The following OSBPL10 variants were observed in gnomAD, a reference collection of about 807,000 sequenced individuals.
OSBPL10 encodes the protein oxysterol binding protein like 10, also known as oxysterol-binding protein-related protein 10.
OSBPL10 carries 49 observed loss-of-function variants against 81.7 expected under a neutral mutation model. That is an observed-to-expected ratio of 0.60 (90% CI 0.48 to 0.76). The LOEUF (loss-of-function observed/expected upper bound fraction) is 0.76. Ranked by LOEUF, OSBPL10 falls within the 30% of genes least tolerant of loss-of-function variation. The probability of loss-of-function intolerance (pLI) is 0.00; values close to 1 mark genes in which losing one functional copy is unlikely to be tolerated. For missense variants in OSBPL10, 923 were observed against 987.8 expected, an observed-to-expected ratio of 0.93 and a Z score of 0.88; for synonymous variants, 419 against 383.6, an observed-to-expected ratio of 1.09 and a Z score of -1.08.
At chr3:31,851,269 C>T (rs1448211151) in intron 3 of OSBPL10, among the ~76,000 whole-genome samples, 2 of 152,198 alleles carry the variant, frequency 1.3e-5, no homozygotes, top group Admixed American at 1.3e-4. Flanking sequence ...CCCTGGAAGT[C>T]TGTGTCGAGA....
intron 9 of OSBPL10, among the ~76,000 whole-genome samples, chr3:31,669,107 T>G (rs1391571629): frequency 3.9e-5 from 6 of 152,084 alleles, no homozygotes; most frequent in Non-Finnish European, 7.4e-5. Context: ...CAGATATCAC[T>G]GGGATGAAAA....
At chr3:31,968,010 C>T (rs189114410) in intron 1 of OSBPL10, among the ~76,000 whole-genome samples, 29 of 152,244 alleles carry the variant, frequency 1.9e-4, no homozygotes, top group Admixed American at 1.6e-3. Context: ...AATATAATTT[C>T]AAATTTACAG....
intron 1 of OSBPL10, among the ~76,000 whole-genome samples, chr3:31,943,511 C>A (rs570116509): frequency 3.3e-5 from 5 of 152,260 alleles, no homozygotes; most frequent in South Asian, 2.1e-4. Context: ...AAAATAATTA[C>A]ACCACCCAGA....
At position 32,067,138 on chromosome 3, in the gene OSBPL10, TA is replaced by T. The variant is rs556517007; in HGVS notation, n.185+10257del. 6.0e-5 allele frequency among the ~76,000 whole-genome samples: 9 copies of T among 150,362 alleles called. No individual in the cohort carries two copies. The East Asian group carries it at 9.7e-4, about 16-fold the overall frequency. ...TCTTCTATAACCAATGGAACACCTT[TA>T]AAAAAAAAATCTTCAGATGAGATGT... On this transcript the variant is annotated intron_variant and non_coding_transcript_variant, in intron 1 of 3. Transcript: ENST00000479173.
chr3:31,937,299 A>T (rs533232163), intron 1 of OSBPL10, among the ~76,000 whole-genome samples: 13 of 151,840 alleles, frequency 8.6e-5, no homozygotes, highest in South Asian at 4.2e-4. Flanking sequence ...AAAAAGAAAG[A>T]AAGTCAGAGG....
intron 2 of OSBPL10, among the ~76,000 whole-genome samples, chr3:32,010,799 G>T (rs184701590): frequency 6.6e-6 from 1 of 152,196 alleles, no homozygotes; most frequent in African/African-American, 2.4e-5. Context: ...ATTACATCCC[G>T]TGCCTGGCTC....
intron 2 of OSBPL10, among the ~76,000 whole-genome samples, chr3:31,997,267 T>C (rs911548870): frequency 2.7e-5 from 4 of 150,358 alleles, no homozygotes; most frequent in African/African-American, 9.8e-5. Context: ...ACATCATTCT[T>C]TTTTTTTTTC....
chr3:31,866,951 T>C (rs1292888120), intron 3 of OSBPL10, among the ~76,000 whole-genome samples: 2 of 152,238 alleles, frequency 1.3e-5, no homozygotes, highest in Non-Finnish European at 2.9e-5. Flanking sequence ...CTATGACTTA[T>C]AATGAATTTA....
chr3:32,050,520 A>G (rs1699661559), intron 1 of OSBPL10, among the ~76,000 whole-genome samples: 1 of 152,280 alleles, frequency 6.6e-6, no homozygotes, highest in Admixed American at 6.5e-5. Context: ...CTTTGAAAAT[A>G]CCTCATACAC....
At chr3:31,956,963 T>C (rs1698027620) in intron 1 of OSBPL10, among the ~76,000 whole-genome samples, 1 of 146,112 alleles carries the variant, frequency 6.8e-6, no homozygotes, top group Non-Finnish European at 1.5e-5. Flanking sequence ...TGAAACCCCA[T>C]CTCTATAAAA....
At chr3:32,046,924 C>T (rs1175901744) in intron 1 of OSBPL10, among the ~76,000 whole-genome samples, 4 of 152,126 alleles carry the variant, frequency 2.6e-5, no homozygotes, top group East Asian at 1.9e-4. Context: ...GGGTCCCAAT[C>T]GAGACTCCAA....
intron 1 of OSBPL10, among the ~76,000 whole-genome samples, chr3:31,939,462 A>C (rs575130578): frequency 3.3e-5 from 5 of 151,538 alleles, no homozygotes; most frequent in African/African-American, 4.8e-5. Flanking sequence ...ATCTTAAAAA[A>C]AAAAAACAAA....
Position 32,066,013 on chromosome 3 carries a change from GAA to G in OSBPL10, n.185+11381_185+11382del, listed in dbSNP as rs1337267689. Among the ~76,000 whole-genome samples, 537 of 65,840 alleles carry G rather than the reference GAA, an allele frequency of 8.2e-3. 63 individuals carry two copies. The East Asian group carries it at 0.11, about 14-fold the overall frequency. 43.2% of individuals were successfully genotyped at this position (65,840 alleles called of 152,430 possible). A position where few individuals can be genotyped will look rare whatever the true frequency, so the allele number is the denominator to read the frequency against. ...AAAGAAAGAAAGAAAGAAAGAGAAAGAAAGAAAGAAAGAGAGAGAGAGAGAAA... is the reference window on the plus strand; with the variant it reads ...AAAGAAAGAAAGAAAGAAAGAGAAAGAGAAAGAAAGAGAGAGAGAGAGAAA... On this transcript the variant is annotated intron_variant and non_coding_transcript_variant, in intron 1 of 3. Transcript: ENST00000479173.
intron 5 of OSBPL10, among the ~76,000 whole-genome samples, chr3:31,736,226 T>G (rs1023784506): frequency 6.6e-6 from 1 of 152,094 alleles, no homozygotes; most frequent in African/African-American, 2.4e-5. Context: ...ACACATAAAA[T>G]GTGTACACAT....
intron 1 of OSBPL10, among the ~76,000 whole-genome samples, chr3:32,060,014 G>A (rs985456166): frequency 6.6e-6 from 1 of 152,002 alleles, no homozygotes; most frequent in East Asian, 1.9e-4. Context: ...GGGAGCACTG[G>A]TAATGTTCTG....
chr3:32,011,456 A>G (rs1699257554), intron 2 of OSBPL10, among the ~76,000 whole-genome samples: 1 of 152,200 alleles, frequency 6.6e-6, no homozygotes, highest in Non-Finnish European at 1.5e-5. Context: ...ACCATCATCA[A>G]AGACCAAAAG....
intron 4 of OSBPL10, among the ~76,000 whole-genome samples, chr3:31,793,780 G>A (rs1000304230): frequency 7.2e-5 from 11 of 152,180 alleles, no homozygotes; most frequent in Non-Finnish European, 1.6e-4. Context: ...TTTGACTATA[G>A]AGAGTTTAGA....
intron 6 of OSBPL10, among the ~76,000 whole-genome samples, chr3:31,708,423 C>T (rs1696139826): frequency 6.6e-6 from 1 of 152,198 alleles, no homozygotes; most frequent in Admixed American, 6.5e-5. Context: ...TAAGAAGCCC[C>T]ATCTAACAGG....
At chr3:32,077,545 G>T (rs1367565897) in exon 1 of OSBPL10, 1 of 152,172 alleles carries the variant, frequency 6.6e-6, no homozygotes, top group East Asian at 1.9e-4. Flanking sequence ...CAAAATGGTG[G>T]TGCACAACGT....
Sources: allele counts gnomAD v4.1 joint callset (sites outside exome capture counted in the v4.1 genomes callset), GRCh38; gene constraint gnomAD v4.1.1; transcripts MANE v1.5; gene names NCBI Gene and HGNC (gene_info 2026-07-23, HGNC 2026-07-21).